MAML3: variants seen among roughly 807,000 people sequenced by gnomAD.
MAML3 encodes the protein mastermind like transcriptional coactivator 3, also known as mastermind-like protein 3.
A neutral mutation model predicts 101.9 loss-of-function variants in MAML3; 27 were observed. The observed-to-expected ratio is 0.27, with a 90% CI of 0.20 to 0.37. The LOEUF is 0.37. MAML3 is among the 10% of genes least tolerant of loss of function. MAML3 has a pLI of 1.00. For missense variants in MAML3, 1,316 were observed against 1,444.9 expected, an observed-to-expected ratio of 0.91 and a Z score of 1.45; for synonymous variants, 501 against 555.9, an observed-to-expected ratio of 0.90 and a Z score of 1.39.
At position 139,719,266 on chromosome 4, in the gene MAML3, C is replaced by G. The variant is rs921475234; in HGVS notation, c.*57G>C. 7 of 1,510,018 alleles carry G rather than the reference C, an allele frequency of 4.6e-6. No homozygotes were observed. In the African/African-American group the frequency reaches 5.6e-5, roughly 12 times the overall value. The allele number at this position is 1,510,018 out of a possible 1,614,324, so 93.5% of individuals were successfully genotyped here. A position where few individuals can be genotyped will look rare whatever the true frequency, so the allele number is the denominator to read the frequency against. On this transcript the variant is annotated 3_prime_UTR_variant, in exon 5 of 5. Transcript: ENST00000509479. ...ACAAGGATGGGTCAACATCCTGTTTCTTTTTCACTTTTTAAGCTTTAACCA... is the reference window on the plus strand; with the variant it reads ...ACAAGGATGGGTCAACATCCTGTTTGTTTTTCACTTTTTAAGCTTTAACCA...
chr4:140,048,181 G>A (rs943043040), intron 1 of MAML3, among the ~76,000 whole-genome samples: 1 of 152,132 alleles, frequency 6.6e-6, no homozygotes, highest in Non-Finnish European at 1.5e-5. Flanking sequence ...CAATAGTAGG[G>A]CAGTATTTCA....
intron 1 of MAML3, among the ~76,000 whole-genome samples, chr4:140,141,884 T>TC (rs750398721): frequency 9.9e-5 from 15 of 152,210 alleles, no homozygotes; most frequent in Non-Finnish European, 1.8e-4. Context: ...TAAGAGATTT[T>TC]CCCGCCAACT....
rs140556576 is a variant in MAML3 at position 139,988,704 on chromosome 4, T to G, written c.469-97737A>C. On this transcript the variant is annotated intron_variant, in intron 1 of 4. Transcript: ENST00000509479. ...TTTGCATCTTGACTGGGGTGGTGGT[T>G]ATAAGGGTGTATGCATTTGTCAGAA... is the stretch of plus-strand genomic sequence containing the variant. 1.7e-4 allele frequency among the ~76,000 whole-genome samples: 26 copies of G among 152,290 alleles called. No individual in the cohort carries two copies. The East Asian group carries it at 4.8e-3, about 28-fold the overall frequency.
chr4:139,813,110 G>A (rs919222637), intron 2 of MAML3, among the ~76,000 whole-genome samples: 2 of 151,482 alleles, frequency 1.3e-5, no homozygotes, highest in Non-Finnish European at 2.9e-5. Flanking sequence ...GGAAGGTTAG[G>A]TTAAAAACAT....
chr4:139,721,381 T>C (rs1052666184), intron 4 of MAML3, among the ~76,000 whole-genome samples: 3 of 152,188 alleles, frequency 2.0e-5, no homozygotes, highest in Non-Finnish European at 2.9e-5. Context: ...CTGCTAATGA[T>C]TGAGTCTATG....
At chr4:140,132,092 T>C (rs1370550652) in intron 1 of MAML3, among the ~76,000 whole-genome samples, 1 of 152,234 alleles carries the variant, frequency 6.6e-6, no homozygotes, top group African/African-American at 2.4e-5. Context: ...ATGCAATCAC[T>C]GTCCTCAGGC....
chr4:139,882,400 C>A (rs1732236957), intron 2 of MAML3, among the ~76,000 whole-genome samples: 1 of 149,184 alleles, frequency 6.7e-6, no homozygotes, highest in African/African-American at 2.5e-5. Context: ...CATGAAATTT[C>A]AGGGTAAAGA....
chr4:139,830,073 C>T (rs753305941), intron 2 of MAML3, among the ~76,000 whole-genome samples: 3 of 152,186 alleles, frequency 2.0e-5, no homozygotes, highest in Admixed American at 6.5e-5. Context: ...CATGTCACAA[C>T]GTAGGAACAA....
intron 1 of MAML3, among the ~76,000 whole-genome samples, chr4:140,097,752 A>G (rs1370089442): frequency 6.6e-6 from 1 of 152,196 alleles, no homozygotes; most frequent in African/African-American, 2.4e-5. Flanking sequence ...AAATTTCACA[A>G]CCTCATCTCC....
chr4:140,027,909 G>A (rs1726851478), intron 1 of MAML3, among the ~76,000 whole-genome samples: 1 of 152,000 alleles, frequency 6.6e-6, no homozygotes, highest in Admixed American at 6.6e-5. Context: ...CGATTAAGTT[G>A]GTATAACATG....
At chr4:140,098,443 A>G (rs1463303970) in intron 1 of MAML3, among the ~76,000 whole-genome samples, 1 of 152,222 alleles carries the variant, frequency 6.6e-6, no homozygotes, top group Non-Finnish European at 1.5e-5. Context: ...TTTAGTAAAT[A>G]TTTATTGAGC....
chr4:140,150,680 T>C (rs1199759822), intron 1 of MAML3, among the ~76,000 whole-genome samples: 1 of 151,864 alleles, frequency 6.6e-6, no homozygotes, highest in Non-Finnish European at 1.5e-5. Context: ...TGGGCAGGCA[T>C]GAAACCTTCA....
At chr4:139,801,643 G>GTGTGTGTGTGTGTGTGTGTGTGTGTGTGT (rs1560798508) in intron 2 of MAML3, among the ~76,000 whole-genome samples, 5 of 30,740 alleles carry the variant, frequency 1.6e-4, no homozygotes, top group African/African-American at 4.3e-4. Context: ...GGTGTGTGTG[G>GTGTGTGTGTGTGTGTGTGTGTGTGTGTGT]GTGTGTGTGT....
rs1438795926 is a variant in MAML3, at chr4:140,153,534, G to C, written c.-207C>G. 4 of 548,314 alleles carry C rather than the reference G, an allele frequency of 7.3e-6. No homozygotes were observed. The highest frequency in any genetic ancestry group is 1.3e-5 in the Non-Finnish European group (4 of 319,700). 34.0% of individuals were successfully genotyped at this position (548,314 alleles called of 1,614,324 possible). ...TGTTTCCTTTTTTTAAACTGTAAAA[G>C]CTCAAGGGGAAGAAAAGGGGGGAAC... On this transcript the variant is annotated 5_prime_UTR_variant, in exon 1 of 5. Transcript: ENST00000509479.
chr4:140,072,273 T>C (rs1431934828), intron 1 of MAML3, among the ~76,000 whole-genome samples: 3 of 152,226 alleles, frequency 2.0e-5, no homozygotes, highest in Admixed American at 6.5e-5. Context: ...GTACTGAACA[T>C]GTACAGACTT....
intron 2 of MAML3, among the ~76,000 whole-genome samples, chr4:139,866,741 G>A (rs1273710773): frequency 2.0e-5 from 3 of 152,182 alleles, no homozygotes; most frequent in Non-Finnish European, 2.9e-5. Context: ...GACGAAGGGT[G>A]GGGGAGCAGT....
chr4:139,827,355 G>GGGTTTCTGAAAAGGAGCTGT (rs1466098904), intron 2 of MAML3, among the ~76,000 whole-genome samples: 1 of 152,166 alleles, frequency 6.6e-6, no homozygotes. Context: ...TGACTGCTGA[G>GGGTTTCTGAAAAGGAGCTGT]GGTTTCTGAA....
At chr4:139,874,405 A>G (rs1250570046) in intron 2 of MAML3, among the ~76,000 whole-genome samples, 1 of 152,196 alleles carries the variant, frequency 6.6e-6, no homozygotes, top group Non-Finnish European at 1.5e-5. Flanking sequence ...TTTTTTAAAA[A>G]AATCACCAGT....
chr4:140,082,677 T>C (rs1315221826), intron 1 of MAML3, among the ~76,000 whole-genome samples: 1 of 151,890 alleles, frequency 6.6e-6, no homozygotes, highest in African/African-American at 2.4e-5. Flanking sequence ...CACAAAGTCC[T>C]GCTCATCCCA....
Sources: allele counts gnomAD v4.1 joint callset (sites outside exome capture counted in the v4.1 genomes callset), GRCh38; gene constraint gnomAD v4.1.1; transcripts MANE v1.5; gene names NCBI Gene and HGNC (gene_info 2026-07-23, HGNC 2026-07-21).